TPM1: variants seen among roughly 807,000 people sequenced by gnomAD.
The protein encoded by TPM1 is tropomyosin 1.
TPM1 carries 24 observed loss-of-function variants against 42.9 expected under a neutral mutation model. The ratio of observed to expected loss-of-function variants is 0.56; its 90% confidence interval spans 0.41 to 0.79. TPM1 has a LOEUF of 0.79. Ranked by LOEUF, TPM1 falls within the 30% of genes least tolerant of loss-of-function variation. The pLI, the probability that TPM1 is intolerant of heterozygous loss-of-function variation, is 0.00. For missense variants in TPM1, 158 were observed against 351.8 expected (o/e 0.45, Z 4.41); for synonymous variants, 136 against 130.1 (o/e 1.05, Z -0.31).
At chr15:63,052,485 T>C (rs2034085779) in intron 2 of TPM1, among the ~76,000 whole-genome samples, 1 of 152,014 alleles carries the variant, frequency 6.6e-6, no homozygotes, top group Non-Finnish European at 1.5e-5. Flanking sequence ...GTCATGCCAC[T>C]GCACTCCAGC....
chr15:63,048,284 G>A, intron 2 of TPM1: 1 of 641,188 alleles, frequency 1.6e-6, no homozygotes, highest in Admixed American at 2.3e-5. Context: ...CAGCGCGCCG[G>A]GAGCGCCTTT....
rs774859181 is a variant in TPM1 at position 63,062,238 on chromosome 15, T to C, written c.663T>C (p.Tyr221=). The change falls in exon 7 of 10, where the codon TAT becomes TAC. Residue 221 remains tyrosine, a synonymous_variant. Transcript: ENST00000403994. The stretch of plus-strand genomic sequence containing the variant: ...AGTACTCGCAGAAGGAAGACAGATA[T>C]GAGGAAGAGATCAAGGTCCTTTCCG... ...AEKYSQKEDR[Y]EEEIKVLSDK... 27 of 1,613,998 alleles carry C rather than the reference T, an allele frequency of 1.7e-5. No homozygotes were observed. Among genetic ancestry groups the C allele is most frequent in the Non-Finnish European group, 2.0e-5 (24 of 1,180,014 alleles).
intron 2 of TPM1, among the ~76,000 whole-genome samples, chr15:63,052,032 T>A (rs1285591696): frequency 6.6e-6 from 1 of 152,070 alleles, no homozygotes; most frequent in Admixed American, 6.6e-5. Flanking sequence ...ATATGCATTG[T>A]AAGGCACCTC....
chr15:63,061,353 G>A (rs1476249678), intron 5 of TPM1: 10 of 1,336,230 alleles, frequency 7.5e-6, no homozygotes, highest in Admixed American at 1.7e-5. Flanking sequence ...GGTTCGTTTG[G>A]TATAACGACT....
chr15:63,059,237 G>T lies in TPM1; in HGVS notation c.375-326G>T, dbSNP rs547379023. Among the ~76,000 whole-genome samples, 6 of 152,280 alleles carry T rather than the reference G, an allele frequency of 3.9e-5. No individual in the cohort carries two copies. The East Asian group carries it at 1.2e-3, about 29-fold the overall frequency. On this transcript the variant is annotated intron_variant, in intron 3 of 9. Transcript: ENST00000403994. ...ATCTCATTATCTTTTTAATAGTAAA[G>T]CATATTGGCTTTTCCGGTTTCATAC...
At chr15:63,045,057 C>A (rs1362739938) in intron 2 of TPM1, 1 of 152,050 alleles carries the variant, frequency 6.6e-6, no homozygotes, top group Non-Finnish European at 1.5e-5. Flanking sequence ...GCTAATTAAG[C>A]CTAGAGGCCC....
intron 6 of TPM1, 110 bp downstream of exon 6, chr15:63,061,898 G>T: frequency 1.0e-6 from 1 of 988,842 alleles, no homozygotes; most frequent in East Asian, 2.6e-5. Flanking sequence ...TGGCAATATT[G>T]TGAGGTGATT....
At chr15:63,064,293 C>CT (rs1451972969) in intron 9 of TPM1, 151 bp downstream of exon 9, 7 of 1,525,542 alleles carry the variant, frequency 4.6e-6, no homozygotes, top group Non-Finnish European at 6.2e-6. Flanking sequence ...TGTTTTTTCA[C>CT]TTTCTGCTAA....
At chr15:63,051,834 CTGT>C (rs1284727710) in intron 2 of TPM1, among the ~76,000 whole-genome samples, 1 of 149,352 alleles carries the variant, frequency 6.7e-6, no homozygotes, top group Non-Finnish European at 1.5e-5. Context: ...TTTTAATTTT[CTGT>C]TGTTGTATTG....
chr15:63,065,754 G>C, intron 9 of TPM1, 142 bp from the exon 10 acceptor site: 1 of 1,383,348 alleles, frequency 7.2e-7, no homozygotes, highest in African/African-American at 1.5e-5. Context: ...CCTTCCAAGG[G>C]TGTGGCTGGC....
intron 3 of TPM1, among the ~76,000 whole-genome samples, chr15:63,058,891 A>G (rs958292793): frequency 2.6e-5 from 4 of 152,176 alleles, no homozygotes; most frequent in Non-Finnish European, 4.4e-5. Flanking sequence ...ATAGGACCCT[A>G]ATACACTCAG....
At chr15:63,051,390 T>C (rs1330105792) in intron 2 of TPM1, among the ~76,000 whole-genome samples, 2 of 152,230 alleles carry the variant, frequency 1.3e-5, no homozygotes, top group Non-Finnish European at 2.9e-5. Flanking sequence ...CGCTTTCATA[T>C]GTAGGCAAGG....
At position 63,059,572 on chromosome 15, in the gene TPM1, AGT is replaced by A. The variant is rs779940940; in HGVS notation, c.385_386del (p.Val129HisfsTer2). The A allele has an allele frequency of 6.2e-7, 1 of 1,609,700 alleles. No homozygotes were observed. Among genetic ancestry groups the A allele is most frequent in the Non-Finnish European group, 8.5e-7 (1 of 1,177,242 alleles). Reference sequence around the variant, plus strand: ...TTGTCTTTCTTTTCAGAGGCATGAAAGTCATTGAGAGTCGAGCCCAAAAAGAT... The same window carrying A: ...TTGTCTTTCTTTTCAGAGGCATGAAACATTGAGAGTCGAGCCCAAAAAGAT... ...AADESERGMK[V>X]IESRAQKDEE... On this transcript the variant is annotated frameshift_variant, in exon 4 of 10. Transcript: ENST00000403994. LOFTEE classifies it high-confidence loss of function.
chr15:63,045,232 CTT>C (rs2032134697), intron 2 of TPM1: 1 of 151,784 alleles, frequency 6.6e-6, no homozygotes, highest in African/African-American at 2.4e-5. Flanking sequence ...TTAGTGAAGT[CTT>C]TTGTAGCATG....
At chr15:63,053,551 TAGA>T (rs1262349328) in intron 2 of TPM1, among the ~76,000 whole-genome samples, 4 of 152,242 alleles carry the variant, frequency 2.6e-5, no homozygotes, top group Middle Eastern at 3.4e-3. Context: ...AGTCAAGAGC[TAGA>T]AGAATAGCCA....
Position 63,066,147 on chromosome 15 carries a change from T to A in TPM1, c.*248T>A, listed in dbSNP as rs563965885. 6.8e-7 allele frequency: 1 copy of A among 1,466,742 alleles called. No homozygotes were observed. Among genetic ancestry groups the A allele is most frequent in the East Asian group, 2.5e-5 (1 of 40,196 alleles). The allele number at this position is 1,466,742 out of a possible 1,614,324, so 90.9% of individuals were successfully genotyped here. Reference sequence around the variant, plus strand: ...ATTTATTGACATTTTAGTTTCAACATTGAATAAAACTACAAAGCTGCTTCA... The same window carrying A: ...ATTTATTGACATTTTAGTTTCAACAATGAATAAAACTACAAAGCTGCTTCA... On this transcript the variant is annotated 3_prime_UTR_variant, in exon 10 of 10. Coordinates refer to ENST00000403994, the MANE Select transcript of TPM1 (RefSeq NM_001018005.2).
intron 4 of TPM1, 129 bp downstream of exon 4, chr15:63,059,809 A>G: frequency 1.5e-6 from 1 of 667,464 alleles, no homozygotes; most frequent in Non-Finnish European, 2.7e-6. Flanking sequence ...GGTTTTGAGA[A>G]GCAGAGTTCC....
chr15:63,043,992 C>G (rs769627328), intron 1 of TPM1, 35 bp from the exon 2 acceptor site: 1 of 1,607,038 alleles, frequency 6.2e-7, no homozygotes, highest in African/African-American at 1.3e-5. Flanking sequence ...CTGCTGCACC[C>G]CCCTCCCTCC....
chr15:63,063,625 A>C (rs1052444548), intron 8 of TPM1, among the ~76,000 whole-genome samples: 1 of 152,214 alleles, frequency 6.6e-6, no homozygotes, highest in Non-Finnish European at 1.5e-5. Flanking sequence ...TTGTTCTTCC[A>C]AAACACTGCC....
Sources: allele counts gnomAD v4.1 joint callset (sites outside exome capture counted in the v4.1 genomes callset), GRCh38; gene constraint gnomAD v4.1.1; transcripts MANE v1.5; gene names NCBI Gene and HGNC (gene_info 2026-07-23, HGNC 2026-07-21).